The following DRC11 variants were observed in gnomAD, a reference collection of about 807,000 sequenced individuals.
DRC11 encodes the protein IQ and AAA domain-containing protein 1.
chr2:236,491,131 ATATATATACAGTATATATATACACACAG>A, the DRC11 span, among the ~76,000 whole-genome samples: 10 of 115,506 alleles, frequency 8.7e-5, no homozygotes, highest in African/African-American at 3.6e-4. Flanking sequence ...GTGTATATAT[ATATATATACAGTATATATATACACACAG>A]TATATATATA....
chr2:236,376,482 T>G, the DRC11 span, among the ~76,000 whole-genome samples: 1 of 152,234 alleles, frequency 6.6e-6, no homozygotes, highest in African/African-American at 2.4e-5. The surrounding 1 kb of genome is among the most constrained non-coding windows in gnomAD (Gnocchi z 5.7). Flanking sequence ...TCTGTGGTTA[T>G]GTAGGAGAAT....
At chr2:236,307,975 A>ACG in the DRC11 span, among the ~76,000 whole-genome samples, 4 of 151,900 alleles carry the variant, frequency 2.6e-5, no homozygotes, top group African/African-American at 7.3e-5. This position sits in a 1 kb window ranked among gnomAD's most constrained non-coding sequence, Gnocchi z 7.0. Flanking sequence ...GCTTGCAGTG[A>ACG]CACAAGCGTC....
the DRC11 span, among the ~76,000 whole-genome samples, chr2:236,453,805 A>G: frequency 6.6e-6 from 1 of 151,816 alleles, no homozygotes; most frequent in East Asian, 1.9e-4. The surrounding 1 kb of genome is among the most constrained non-coding windows in gnomAD (Gnocchi z 4.9). Flanking sequence ...ATGCCTGGCT[A>G]ATTTTTTGTA....
At chr2:236,306,791 C>T in the DRC11 span, among the ~76,000 whole-genome samples, 1 of 152,282 alleles carries the variant, frequency 6.6e-6, no homozygotes, top group South Asian at 2.1e-4. The surrounding 1 kb of genome is among the most constrained non-coding windows in gnomAD (Gnocchi z 5.9). Context: ...TATTCCTAAG[C>T]ATTTCTTCCA....
the DRC11 span, among the ~76,000 whole-genome samples, chr2:236,425,428 C>T: frequency 1.3e-5 from 2 of 151,986 alleles, no homozygotes; most frequent in South Asian, 2.1e-4. Flanking sequence ...TACATGTTGA[C>T]CATTTGTATG....
chr2:236,498,963 A>C, the DRC11 span, among the ~76,000 whole-genome samples: 1 of 152,288 alleles, frequency 6.6e-6, no homozygotes, highest in South Asian at 2.1e-4. Context: ...GGGTGTGGAG[A>C]GCCCTGATCA....
At chr2:236,478,000 T>C in the DRC11 span, among the ~76,000 whole-genome samples, 1 of 137,444 alleles carries the variant, frequency 7.3e-6, no homozygotes, top group Non-Finnish European at 1.6e-5. Flanking sequence ...TTTCGTTTTG[T>C]TGATTTGTGT....
the DRC11 span, chr2:236,368,042 C>A: frequency 1.5e-6 from 1 of 670,842 alleles, no homozygotes; most frequent in Non-Finnish European, 2.7e-6. Context: ...GGTGGGTGCA[C>A]TATCAAAATG....
At chr2:236,419,049 C>T in the DRC11 span, 1 of 1,412,388 alleles carries the variant, frequency 7.1e-7, no homozygotes, top group Non-Finnish European at 9.3e-7. This position sits in a 1 kb window ranked among gnomAD's most constrained non-coding sequence, Gnocchi z 4.8. Flanking sequence ...CAAACGGCTG[C>T]ACTCCCAACA....
the DRC11 span, among the ~76,000 whole-genome samples, chr2:236,337,714 T>C: frequency 6.6e-6 from 1 of 152,114 alleles, no homozygotes; most frequent in African/African-American, 2.4e-5. This position sits in a 1 kb window ranked among gnomAD's most constrained non-coding sequence, Gnocchi z 4.9. Flanking sequence ...GGATTTTGAA[T>C]CTATTTAAGG....
At chr2:236,357,602 AAT>A in the DRC11 span, among the ~76,000 whole-genome samples, 17 of 126,002 alleles carry the variant, frequency 1.3e-4, no homozygotes, top group Admixed American at 8.6e-4. Context: ...CATTTATGTA[AAT>A]ATATATTTAT....
the DRC11 span, among the ~76,000 whole-genome samples, chr2:236,461,233 T>C: frequency 3.3e-5 from 5 of 152,214 alleles, no homozygotes; most frequent in Non-Finnish European, 1.5e-5. This position sits in a 1 kb window ranked among gnomAD's most constrained non-coding sequence, Gnocchi z 4.0. Context: ...ACAGAAAATA[T>C]ATTTTTGAAT....
the DRC11 span, among the ~76,000 whole-genome samples, chr2:236,389,518 G>A: frequency 6.6e-6 from 1 of 152,158 alleles, no homozygotes; most frequent in South Asian, 2.1e-4. Flanking sequence ...GCCCTGCTTC[G>A]GCTCGCGACC....
chr2:236,316,860 C>T, the DRC11 span, among the ~76,000 whole-genome samples: 7 of 152,182 alleles, frequency 4.6e-5, no homozygotes, highest in African/African-American at 1.7e-4. The surrounding 1 kb of genome is among the most constrained non-coding windows in gnomAD (Gnocchi z 6.8). Context: ...GGTGGCACTG[C>T]GACCACATGT....
At chr2:236,330,858 A>G in the DRC11 span, among the ~76,000 whole-genome samples, 1 of 152,194 alleles carries the variant, frequency 6.6e-6, no homozygotes, top group Non-Finnish European at 1.5e-5. This position sits in a 1 kb window ranked among gnomAD's most constrained non-coding sequence, Gnocchi z 5.5. Context: ...AGATCCAAAA[A>G]GTTCTGTGAA....
chr2:236,360,197 CGGCCG>C, the DRC11 span, among the ~76,000 whole-genome samples: 1 of 152,102 alleles, frequency 6.6e-6, no homozygotes. The surrounding 1 kb of genome is among the most constrained non-coding windows in gnomAD (Gnocchi z 5.8). Context: ...TTTCAGTGAG[CGGCCG>C]TATAATGCAG....
chr2:236,395,561 G>C, the DRC11 span, among the ~76,000 whole-genome samples: 3 of 152,164 alleles, frequency 2.0e-5, no homozygotes, highest in Non-Finnish European at 4.4e-5. Context: ...GAAGTGAATT[G>C]CTCTTTTCTA....
At chr2:236,432,981 T>C in the DRC11 span, among the ~76,000 whole-genome samples, 3 of 152,196 alleles carry the variant, frequency 2.0e-5, no homozygotes, top group African/African-American at 4.8e-5. Context: ...TCTTTTTTCT[T>C]AGATGACAAC....
the DRC11 span, among the ~76,000 whole-genome samples, chr2:236,380,246 GA>G: frequency 6.6e-6 from 1 of 152,190 alleles, no homozygotes; most frequent in African/African-American, 2.4e-5. The surrounding 1 kb of genome is among the most constrained non-coding windows in gnomAD (Gnocchi z 4.9). Flanking sequence ...TGTCCTGTGA[GA>G]ACTCAGAGTC....
Sources: allele counts gnomAD v4.1 joint callset (sites outside exome capture counted in the v4.1 genomes callset), GRCh38; gene constraint gnomAD v4.1.1; non-coding constraint Gnocchi (gnomAD v3.1); transcripts MANE v1.5; gene names NCBI Gene and HGNC (gene_info 2026-07-23, HGNC 2026-07-21).